The following PTPN12 variants were observed in gnomAD, a reference collection of about 807,000 sequenced individuals.
PTPN12 encodes tyrosine-protein phosphatase non-receptor type 12.
In PTPN12, 29 loss-of-function variants were observed where a neutral mutation model predicts 97.6. The observed-to-expected ratio is 0.30, with a 90% CI of 0.22 to 0.41. PTPN12 has a LOEUF of 0.41. Among genes scored for constraint, PTPN12 ranks in the 10% least tolerant of loss-of-function variants. The pLI is 1.00. For synonymous variants in PTPN12, 327 were observed against 300.4 expected (o/e 1.09, Z -0.91); for missense variants, 819 against 926.0 (o/e 0.88, Z 1.50).
At chr7:77,546,012 A>G (rs1042860238) in intron 1 of PTPN12, among the ~76,000 whole-genome samples, 2 of 151,966 alleles carry the variant, frequency 1.3e-5, no homozygotes, top group Non-Finnish European at 2.9e-5. Context: ...GCTCACTGCA[A>G]CCTCCGCCTC....
rs908835262 is a variant in PTPN12, at chr7:77,618,403, G to A, written c.940-77G>A. The stretch of plus-strand genomic sequence containing the variant: ...CATTGTTTAAGGATTGAAAAGCACA[G>A]AAACAATTTAGTTGAAACATGAAGA... On this transcript the variant is annotated intron_variant, in intron 11 of 17. Coordinates refer to ENST00000248594, the MANE Select transcript of PTPN12 (RefSeq NM_002835.4). 3 of 961,522 alleles carry A rather than the reference G, an allele frequency of 3.1e-6. No individual in the cohort carries two copies. In the African/African-American group the frequency reaches 5.1e-5, roughly 16 times the overall value. 59.6% of individuals were successfully genotyped at this position (961,522 alleles called of 1,614,324 possible).
At chr7:77,555,181 AT>A (rs969452341) in intron 1 of PTPN12, among the ~76,000 whole-genome samples, 15 of 142,914 alleles carry the variant, frequency 1.0e-4, no homozygotes, top group African/African-American at 3.9e-4. Context: ...AGGTAAGATG[AT>A]TTTTTTTCCT....
intron 2 of PTPN12, among the ~76,000 whole-genome samples, chr7:77,574,933 G>T (rs1158793912): frequency 6.6e-6 from 1 of 151,790 alleles, no homozygotes; most frequent in African/African-American, 2.4e-5. Flanking sequence ...CCGGGTTTAA[G>T]CAATTCTCGT....
intron 9 of PTPN12, among the ~76,000 whole-genome samples, chr7:77,609,081 G>C (rs1192235518): frequency 6.6e-6 from 1 of 151,982 alleles, no homozygotes; most frequent in Admixed American, 6.6e-5. Context: ...TTAGCCAGGC[G>C]TGGTGGCCGG....
chr7:77,592,385 TA>T (rs1324542797), intron 6 of PTPN12, 129 bp downstream of exon 6: 1 of 727,180 alleles, frequency 1.4e-6, no homozygotes. Flanking sequence ...TGCTTACATT[TA>T]AAAAAATTTT....
chr7:77,603,008 C>T (rs1330164802), intron 8 of PTPN12, among the ~76,000 whole-genome samples: 1 of 152,118 alleles, frequency 6.6e-6, no homozygotes, highest in Non-Finnish European at 1.5e-5. Context: ...CCGTAATGCT[C>T]ATAATTAACG....
chr7:77,547,973 TGAGTGTTTTGATGAG>T (rs1474326284), intron 1 of PTPN12, among the ~76,000 whole-genome samples: 1 of 152,232 alleles, frequency 6.6e-6, no homozygotes, highest in Non-Finnish European at 1.5e-5. Context: ...CCTGTGTTCC[TGAGTGTTTTGATGAG>T]GAGTGTTTTG....
rs1554321255 is a variant in PTPN12 at position 77,605,409 on chromosome 7, G to GGTTTT, written c.696-1826_696-1825insGTTTT. Among the ~76,000 whole-genome samples, 637 of 95,514 alleles carry GGTTTT rather than the reference G, an allele frequency of 6.7e-3. 180 individuals are homozygous for GGTTTT. The highest frequency in any genetic ancestry group is 0.023 in the African/African-American group (563 of 24,212). 62.7% of individuals were successfully genotyped at this position (95,514 alleles called of 152,430 possible). A position where few individuals can be genotyped will look rare whatever the true frequency, so the allele number is the denominator to read the frequency against. ...TTACTTTAAAATACTTTTGTCATGA[G>GGTTTT]TTTTTTTTTTTTTTTTTTTTTTTTT... On this transcript the variant is annotated intron_variant, in intron 8 of 17. Coordinates refer to ENST00000248594, the MANE Select transcript of PTPN12 (RefSeq NM_002835.4).
At chr7:77,613,825 G>T (rs921971495) in intron 11 of PTPN12, among the ~76,000 whole-genome samples, 2 of 151,736 alleles carry the variant, frequency 1.3e-5, no homozygotes, top group Non-Finnish European at 2.9e-5. Flanking sequence ...CAATCCATCC[G>T]CCTCAGCCTC....
intron 1 of PTPN12, among the ~76,000 whole-genome samples, chr7:77,569,797 A>G (rs994687721): frequency 2.6e-5 from 4 of 152,196 alleles, no homozygotes; most frequent in Non-Finnish European, 5.9e-5. Context: ...GTGCTGTGGT[A>G]TGTAACTTTG....
intron 8 of PTPN12, among the ~76,000 whole-genome samples, chr7:77,602,765 A>G (rs1229906322): frequency 2.6e-5 from 4 of 152,136 alleles, no homozygotes; most frequent in Non-Finnish European, 5.9e-5. Context: ...TCTACTCTGA[A>G]TTTTTAGTTT....
At chr7:77,565,066 CTG>C (rs1328089935) in intron 1 of PTPN12, among the ~76,000 whole-genome samples, 3 of 151,984 alleles carry the variant, frequency 2.0e-5, no homozygotes, top group African/African-American at 7.2e-5. Flanking sequence ...GAAACTCGTA[CTG>C]TGTTTTAAGT....
chr7:77,618,369 C>A, intron 11 of PTPN12, 111 bp from the exon 12 acceptor site: 2 of 669,210 alleles, frequency 3.0e-6, no homozygotes, highest in South Asian at 2.7e-5. Flanking sequence ...TTTAACTTGG[C>A]AAAATTGGCA....
At chr7:77,594,644 C>T (rs964799667) in intron 6 of PTPN12, among the ~76,000 whole-genome samples, 2 of 152,034 alleles carry the variant, frequency 1.3e-5, no homozygotes, top group East Asian at 1.9e-4. Flanking sequence ...CCCAAGTAGT[C>T]GGGGCTGCTG....
At chr7:77,594,576 A>G (rs1279527344) in intron 6 of PTPN12, among the ~76,000 whole-genome samples, 2 of 152,120 alleles carry the variant, frequency 1.3e-5, no homozygotes, top group Admixed American at 1.3e-4. Flanking sequence ...CAGTGGTCTG[A>G]TCATGGCCCA....
intron 1 of PTPN12, chr7:77,545,770 C>CT (rs1807186451): frequency 6.6e-6 from 1 of 152,076 alleles, no homozygotes; most frequent in Non-Finnish European, 1.5e-5. Context: ...GTCACAGTAC[C>CT]TTTCCAGTGT....
intron 13 of PTPN12, among the ~76,000 whole-genome samples, chr7:77,630,485 A>G (rs1009499324): frequency 6.6e-6 from 1 of 152,224 alleles, no homozygotes; most frequent in Admixed American, 6.5e-5. Context: ...TCTTGCTCCT[A>G]GGCTACAAAC....
chr7:77,584,506 G>T (rs1157164635), intron 4 of PTPN12, among the ~76,000 whole-genome samples: 1 of 152,158 alleles, frequency 6.6e-6, no homozygotes, highest in Non-Finnish European at 1.5e-5. Context: ...CTCGGAGAAT[G>T]TTCACTTTAG....
rs2151415749 is a variant in PTPN12 at position 77,638,644 on chromosome 7, C to T, written c.2194C>T (p.His732Tyr). Residue 732 changes from histidine (H) to tyrosine (Y), a missense_variant, in exon 17 of 18, where the codon CAC (histidine) becomes TAC (tyrosine). His to Tyr is a moderately conservative substitution (Grantham distance 83). Coordinates refer to ENST00000248594, the MANE Select transcript of PTPN12 (RefSeq NM_002835.4). ...CTTAGATCATCCAGCGGGAGGTATTCACTATGAAATGTGCATAGAATGTCC... is the reference window on the plus strand; with the variant it reads ...CTTAGATCATCCAGCGGGAGGTATTTACTATGAAATGTGCATAGAATGTCC... ...EKCDHPAGGIHYEMCIECPPT... is the reference protein window; with the variant it reads ...EKCDHPAGGIYYEMCIECPPT... 6.3e-7 allele frequency: 1 copy of T among 1,598,120 alleles called. No individual in the cohort carries two copies. The highest frequency in any genetic ancestry group is 8.5e-7 in the Non-Finnish European group (1 of 1,174,212).
Sources: gnomAD v4.1 joint callset for allele counts (sites outside exome capture counted in the v4.1 genomes callset) on GRCh38, gnomAD v4.1.1 for gene constraint, MANE v1.5 for transcripts, NCBI Gene and HGNC (gene_info 2026-07-23, HGNC 2026-07-21) for gene names.